Variants in ERO1B observed in about 807,000 individuals in gnomAD.
The protein encoded by ERO1B is endoplasmic reticulum oxidoreductase 1 beta.
ERO1B carries 49 observed loss-of-function variants against 75.3 expected under a neutral mutation model. That is an observed-to-expected ratio of 0.65 (90% CI 0.52 to 0.83). ERO1B has a LOEUF of 0.83. Among genes scored for constraint, ERO1B ranks in the 40% least tolerant of loss-of-function variants. ERO1B has a pLI of 0.00. For missense variants in ERO1B, 512 were observed against 560.1 expected (o/e 0.91, Z 0.87); for synonymous variants, 191 against 192.9 (o/e 0.99, Z 0.08).
At chr1:236,221,343 C>T (rs1217703829) in intron 14 of ERO1B, among the ~76,000 whole-genome samples, 2 of 146,114 alleles carry the variant, frequency 1.4e-5, no homozygotes, top group Non-Finnish European at 3.0e-5. Flanking sequence ...AATAATTTCT[C>T]AATTATTAGC....
At chr1:236,249,714 A>T (rs1664969820) in intron 5 of ERO1B, among the ~76,000 whole-genome samples, 171 bp downstream of exon 5, 1 of 152,194 alleles carries the variant, frequency 6.6e-6, no homozygotes, top group Non-Finnish European at 1.5e-5. Flanking sequence ...AAATCAGCCA[A>T]GAAGAGGCAA....
At chr1:236,271,901 T>G (rs1462806522) in intron 1 of ERO1B, among the ~76,000 whole-genome samples, 1 of 152,200 alleles carries the variant, frequency 6.6e-6, no homozygotes, top group Admixed American at 6.5e-5. Context: ...ATATTTTACT[T>G]CTTTAAAACA....
chr1:236,237,148 C>T (rs1233633975), intron 6 of ERO1B, among the ~76,000 whole-genome samples: 2 of 119,146 alleles, frequency 1.7e-5, no homozygotes, highest in Non-Finnish European at 1.6e-5. Flanking sequence ...GAGACGGAGT[C>T]TCACTCTGTT....
At chr1:236,221,616 T>A (rs1306247005) in intron 14 of ERO1B, among the ~76,000 whole-genome samples, 1 of 152,192 alleles carries the variant, frequency 6.6e-6, no homozygotes. Flanking sequence ...CCTTTCTATA[T>A]ACATATGTAA....
chr1:236,226,287 T>A lies in ERO1B; in HGVS notation c.1034A>T (p.Asn345Ile), dbSNP rs749533102. 6.2e-7 allele frequency: 1 copy of A among 1,613,680 alleles called. No individual in the cohort carries two copies. The highest frequency in any genetic ancestry group is 8.5e-7 in the Non-Finnish European group (1 of 1,179,876). Residue 345 changes from asparagine to isoleucine, a missense_variant, in exon 12 of 16, where the codon AAT becomes ATT. Asn to Ile is a moderately radical substitution (Grantham distance 149, BLOSUM62 -3). Transcript: ENST00000354619. ...EDADTKTLLL[N>I]IFQDTKSFPM... ...TTCTTACTTTGTATCTTGAAAGATA[T>A]TCAGTAGAAGAGTTTTTGTGTCAGC...
At chr1:236,220,017 C>T (rs1342868790) in intron 15 of ERO1B, among the ~76,000 whole-genome samples, 1 of 126,064 alleles carries the variant, frequency 7.9e-6, no homozygotes. Context: ...GAGCGAGACC[C>T]TCATCTCTTT....
At position 236,217,007 on chromosome 1, in the gene ERO1B, A is replaced by C. The variant is rs867588003; in HGVS notation, c.*1509T>G. 3.9e-5 allele frequency: 6 copies of C among 152,148 alleles called. No homozygotes were observed. The highest frequency in any genetic ancestry group is 3.4e-3 in the Middle Eastern group (1 of 294). The allele number at this position is 152,148 out of a possible 1,614,324, so 9.4% of individuals were successfully genotyped here. A position where few individuals can be genotyped will look rare whatever the true frequency, so the allele number is the denominator to read the frequency against. On this transcript the variant is annotated 3_prime_UTR_variant, in exon 16 of 16. Transcript: ENST00000354619. ...TAAAGGTTTGAAATTAGGTGAGAAA[A>C]TAAATAACTCTGAGACCTTAATACC...
chr1:236,221,505 C>A (rs943288006), intron 14 of ERO1B, among the ~76,000 whole-genome samples: 1 of 152,136 alleles, frequency 6.6e-6, no homozygotes, highest in Non-Finnish European at 1.5e-5. Context: ...ACCTGTCTTG[C>A]GGAGCTTTCC....
chr1:236,240,227 A>T (rs1664666011), intron 6 of ERO1B, among the ~76,000 whole-genome samples: 1 of 151,824 alleles, frequency 6.6e-6, no homozygotes, highest in South Asian at 2.1e-4. Flanking sequence ...TTTTTTTCTA[A>T]CTGAATTTCC....
At chr1:236,235,523 A>G (rs948832090) in intron 8 of ERO1B, among the ~76,000 whole-genome samples, 5 of 152,194 alleles carry the variant, frequency 3.3e-5, no homozygotes, top group Non-Finnish European at 7.4e-5. Flanking sequence ...TTTGATATAT[A>G]TTGATTACTC....
chr1:236,221,860 G>T, intron 14 of ERO1B, 64 bp downstream of exon 14: 1 of 1,202,116 alleles, frequency 8.3e-7, no homozygotes, highest in Non-Finnish European at 1.2e-6. Context: ...TTAATAAAAA[G>T]CTTGGACTCA....
chr1:236,262,901 G>C (rs1045899949), intron 2 of ERO1B, among the ~76,000 whole-genome samples: 5 of 152,246 alleles, frequency 3.3e-5, no homozygotes, highest in Middle Eastern at 3.4e-3. Flanking sequence ...CCTTACCCAA[G>C]ATTGGATCCT....
At chr1:236,273,765 C>T (rs1024855969) in intron 1 of ERO1B, among the ~76,000 whole-genome samples, 9 of 148,518 alleles carry the variant, frequency 6.1e-5, no homozygotes, top group African/African-American at 2.3e-4. Flanking sequence ...AAAATCACAC[C>T]ACTGCACTCC....
intron 1 of ERO1B, among the ~76,000 whole-genome samples, chr1:236,277,323 G>A (rs1241919665): frequency 6.6e-6 from 1 of 151,834 alleles, no homozygotes; most frequent in Non-Finnish European, 1.5e-5. Flanking sequence ...AGAATTGCTT[G>A]AGCCTGGGAG....
chr1:236,258,440 T>C (rs745606622), intron 2 of ERO1B, among the ~76,000 whole-genome samples: 10 of 152,032 alleles, frequency 6.6e-5, no homozygotes, highest in Non-Finnish European at 1.5e-4. Flanking sequence ...AAATACTATA[T>C]CCAGTGATCC....
At chr1:236,247,921 G>T (rs1188503274) in intron 5 of ERO1B, among the ~76,000 whole-genome samples, 1 of 120,936 alleles carries the variant, frequency 8.3e-6, no homozygotes, top group Non-Finnish European at 1.7e-5. Context: ...TTCAAATGTT[G>T]TATTATCTTC....
At chr1:236,267,790 G>A (rs1036566840) in intron 2 of ERO1B, 1 of 152,118 alleles carries the variant, frequency 6.6e-6, no homozygotes, top group Non-Finnish European at 1.5e-5. Flanking sequence ...ATGGCTTCTC[G>A]GCCTTTTGGC....
intron 13 of ERO1B, 45 bp from the exon 14 acceptor site, chr1:236,222,055 T>C: frequency 6.9e-7 from 1 of 1,453,394 alleles, no homozygotes; most frequent in East Asian, 2.3e-5. Context: ...CTTTTAAAAT[T>C]GAACCGCATT....
At chr1:236,245,314 A>ATATATATATATACACGTATATATATACG (rs1558513068) in intron 5 of ERO1B, among the ~76,000 whole-genome samples, 1 of 18,820 alleles carries the variant, frequency 5.3e-5, no homozygotes, top group African/African-American at 9.9e-5. Flanking sequence ...ATATATATAT[A>ATATATATATATACACGTATATATATACG]TATATATACA....
Sources: allele counts gnomAD v4.1 joint callset (sites outside exome capture counted in the v4.1 genomes callset), GRCh38; gene constraint gnomAD v4.1.1; transcripts MANE v1.5; gene names NCBI Gene and HGNC (gene_info 2026-07-23, HGNC 2026-07-21).